The following ACTR3B variants were observed in gnomAD, a reference collection of about 807,000 sequenced individuals.
ACTR3B encodes actin related protein 3B, also known as actin-related protein 3B.
A neutral mutation model predicts 59.0 loss-of-function variants in ACTR3B; 8 were observed. That is an observed-to-expected ratio of 0.14 (90% CI 0.08 to 0.24). The LOEUF (loss-of-function observed/expected upper bound fraction) is 0.24, where lower values mean the gene tolerates loss of function less well. Among genes scored for constraint, ACTR3B ranks in the 10% least tolerant of loss-of-function variants. The pLI is 1.00. For synonymous variants in ACTR3B, 148 were observed against 197.9 expected (o/e 0.75, Z 2.12); for missense variants, 245 against 552.3 (o/e 0.44, Z 5.58).
At chr7:152,845,656 C>G (rs757264401) in intron 9 of ACTR3B, among the ~76,000 whole-genome samples, 2 of 152,202 alleles carry the variant, frequency 1.3e-5, no homozygotes, top group Non-Finnish European at 2.9e-5. Flanking sequence ...GGATGCCACT[C>G]CTGAAGTGAC....
intron 1 of ACTR3B, among the ~76,000 whole-genome samples, chr7:152,775,464 A>C (rs976394558): frequency 6.6e-6 from 1 of 152,128 alleles, no homozygotes; most frequent in Non-Finnish European, 1.5e-5. Flanking sequence ...AGGACTGTTT[A>C]AAATGTTTGG....
In ACTR3B at chr7:152,820,394, G is replaced by C; in HGVS notation, c.636G>C (p.Glu212Asp). The C allele has an allele frequency of 6.2e-7, 1 of 1,605,698 alleles. No individual in the cohort carries two copies. The highest frequency in any genetic ancestry group is 8.5e-7 in the Non-Finnish European group (1 of 1,174,644). Residue 212 changes from glutamate to aspartate, a missense_variant, in exon 7 of 12, where the codon GAG becomes GAC. Around this residue, in one of 7 missense-constraint regions of ACTR3B, gnomAD observed 12 missense variants for 68.7 expected, o/e 0.17. Coordinates refer to ENST00000256001, the MANE Select transcript of ACTR3B (RefSeq NM_020445.6). Reference sequence around the variant, plus strand: ...TTCAACAGCTGCTAAGGGAGAGGGAGGTGGGAATCCCTCCTGAGCAGTCAC... The same window carrying C: ...TTCAACAGCTGCTAAGGGAGAGGGACGTGGGAATCCCTCCTGAGCAGTCAC... ...YFIQQLLRER[E>D]VGIPPEQSLE...
chr7:152,853,988 A>G (rs1799057262), intron 11 of ACTR3B, among the ~76,000 whole-genome samples: 2 of 152,112 alleles, frequency 1.3e-5, no homozygotes, highest in African/African-American at 2.4e-5. Flanking sequence ...TTGGCCTCGC[A>G]AAGTGCTGCA....
chr7:152,775,352 A>G (rs1418613500), intron 1 of ACTR3B, among the ~76,000 whole-genome samples: 1 of 152,158 alleles, frequency 6.6e-6, no homozygotes, highest in Non-Finnish European at 1.5e-5. Flanking sequence ...TTGAGTCAAC[A>G]GTAGGTTAAT....
chr7:152,792,965 T>C (rs1410180163), intron 2 of ACTR3B, among the ~76,000 whole-genome samples: 1 of 129,168 alleles, frequency 7.7e-6, no homozygotes, highest in Non-Finnish European at 1.7e-5. Flanking sequence ...TTGTGGTACC[T>C]TTTTTTTTGG....
intron 4 of ACTR3B, among the ~76,000 whole-genome samples, chr7:152,810,413 T>TG (rs1192321953): frequency 1.1e-5 from 1 of 93,868 alleles, no homozygotes; most frequent in African/African-American, 3.9e-5. Flanking sequence ...AGCCTGTTTT[T>TG]TTTTTTTTTT....
chr7:152,820,513 C>G, intron 7 of ACTR3B, 71 bp downstream of exon 7: 1 of 1,532,128 alleles, frequency 6.5e-7, no homozygotes. Flanking sequence ...CCCCTTGGTG[C>G]CATCATCCCT....
chr7:152,838,707 C>T (rs1468944632), intron 9 of ACTR3B, among the ~76,000 whole-genome samples: 7 of 152,244 alleles, frequency 4.6e-5, no homozygotes, highest in African/African-American at 7.2e-5. Context: ...AGTAATGCTT[C>T]CTCCATTTCC....
chr7:152,849,378 G>T lies in ACTR3B; in HGVS notation c.952-2748G>T, dbSNP rs191411577. ...CTTCACTGCTGCAGAGAGCCCTGAA[G>T]GGTGGCCTCAGAACCGCCCTGGTTC... On this transcript the variant is annotated intron_variant, in intron 9 of 11. Coordinates refer to ENST00000256001, the MANE Select transcript of ACTR3B (RefSeq NM_020445.6). Among the ~76,000 whole-genome samples, 430 of 152,316 alleles carry T rather than the reference G, an allele frequency of 2.8e-3. 2 individuals are homozygous for T. Among genetic ancestry groups the T allele is most frequent in the African/African-American group, 1.0e-2 (414 of 41,584 alleles).
At chr7:152,819,560 C>T (rs1254596849) in intron 6 of ACTR3B, among the ~76,000 whole-genome samples, 1 of 152,188 alleles carries the variant, frequency 6.6e-6, no homozygotes. Flanking sequence ...CCCATCATTG[C>T]TGTGGGCATG....
intron 9 of ACTR3B, among the ~76,000 whole-genome samples, chr7:152,829,654 G>C (rs1414575107): frequency 6.6e-6 from 1 of 152,100 alleles, no homozygotes; most frequent in Non-Finnish European, 1.5e-5. Flanking sequence ...ACCGGAGTCT[G>C]GGTCCCACCC....
intron 8 of ACTR3B, 28 bp downstream of exon 8, chr7:152,823,543 A>G: frequency 6.2e-7 from 1 of 1,611,238 alleles, no homozygotes. Context: ...TTGTGTGCTC[A>G]AGTGTGGGAT....
intron 1 of ACTR3B, among the ~76,000 whole-genome samples, chr7:152,777,020 A>T (rs1306719474): frequency 2.6e-5 from 4 of 152,154 alleles, no homozygotes. Flanking sequence ...TTCACCGAAC[A>T]TTTTTGTGTG....
chr7:152,820,705 AGCTGGAGCCTCACT>A (rs755132322), intron 7 of ACTR3B, among the ~76,000 whole-genome samples: 6 of 152,262 alleles, frequency 3.9e-5, no homozygotes, highest in Non-Finnish European at 5.9e-5. Context: ...AGCATTGTTC[AGCTGGAGCCTCACT>A]GCTGGAGCCT....
intron 9 of ACTR3B, among the ~76,000 whole-genome samples, chr7:152,838,412 A>G (rs1305070908): frequency 2.6e-5 from 4 of 152,258 alleles, no homozygotes; most frequent in Non-Finnish European, 5.9e-5. Flanking sequence ...GGAAACCATC[A>G]TTCTCAGCAA....
chr7:152,854,700 G>A lies in ACTR3B; in HGVS notation c.*147G>A, dbSNP rs1221633573. 18 of 744,514 alleles carry A rather than the reference G, an allele frequency of 2.4e-5. No individual in the cohort carries two copies. Among genetic ancestry groups the A allele is most frequent in the South Asian group, 1.6e-4 (9 of 56,524 alleles). 46.1% of individuals were successfully genotyped at this position (744,514 alleles called of 1,614,324 possible). On this transcript the variant is annotated 3_prime_UTR_variant, in exon 12 of 12. Coordinates refer to ENST00000256001, the MANE Select transcript of ACTR3B (RefSeq NM_020445.6). This position sits in a 1 kb window ranked among gnomAD's most constrained non-coding sequence, Gnocchi z 4.9. ...ATTGCCGGTGCATGAGGCGCGGCGC[G>A]GGCCCTTCAGTAAAAGCCATTTATC...
chr7:152,796,151 G>A (rs1476889885), intron 2 of ACTR3B, among the ~76,000 whole-genome samples: 2 of 152,094 alleles, frequency 1.3e-5, no homozygotes, highest in South Asian at 2.1e-4. Context: ...GGCCTTAGCA[G>A]CTCTTTCTAA....
intron 1 of ACTR3B, among the ~76,000 whole-genome samples, chr7:152,772,190 G>C (rs1368497843): frequency 6.6e-6 from 1 of 151,906 alleles, no homozygotes; most frequent in Admixed American, 6.6e-5. Flanking sequence ...GTTTTCAACA[G>C]TGTAATGTGC....
Position 152,836,263 on chromosome 7 carries a change from C to T in ACTR3B, c.951+11141C>T, listed in dbSNP as rs567772385. 3.9e-5 allele frequency among the ~76,000 whole-genome samples: 6 copies of T among 152,130 alleles called. No homozygotes were observed. In the East Asian group the frequency reaches 7.7e-4, roughly 20 times the overall value. ...GGCTCAGTAAATATTTGTTAAACTGCGAAAGTAAACAAACCTTGAGTTCAG... is the reference window on the plus strand; with the variant it reads ...GGCTCAGTAAATATTTGTTAAACTGTGAAAGTAAACAAACCTTGAGTTCAG... On this transcript the variant is annotated intron_variant, in intron 9 of 11. Coordinates refer to ENST00000256001, the MANE Select transcript of ACTR3B (RefSeq NM_020445.6).
Sources: allele counts gnomAD v4.1 joint callset (sites outside exome capture counted in the v4.1 genomes callset), GRCh38; gene constraint gnomAD v4.1.1; regional missense constraint gnomAD v4.1.1; non-coding constraint Gnocchi (gnomAD v3.1); transcripts MANE v1.5; gene names NCBI Gene and HGNC (gene_info 2026-07-23, HGNC 2026-07-21).